Variants in NR1I2 observed in about 807,000 individuals in gnomAD.
NR1I2 encodes the protein nuclear receptor subfamily 1 group I member 2, also known as orphan nuclear receptor PAR1.
In NR1I2, 42 loss-of-function variants were observed where a neutral mutation model predicts 43.3. That is an observed-to-expected ratio of 0.97 (90% CI 0.76 to 1.26). NR1I2 has a LOEUF of 1.26. Ranked by LOEUF, NR1I2 falls within the 50% of genes most tolerant of loss-of-function variation. The pLI is 0.00. For missense variants in NR1I2, 559 were observed against 566.7 expected (o/e 0.99, Z 0.14); for synonymous variants, 229 against 215.0 (o/e 1.06, Z -0.57).
chr3:119,810,419 T>G, intron 3 of NR1I2: 1 of 629,248 alleles, frequency 1.6e-6, no homozygotes, highest in East Asian at 2.8e-5. Flanking sequence ...CCCTGGGATG[T>G]GTGCTGGGCA....
chr3:119,808,343 G>A (rs149460291), intron 2 of NR1I2, among the ~76,000 whole-genome samples: 18 of 152,346 alleles, frequency 1.2e-4, no homozygotes, highest in South Asian at 6.2e-4. Context: ...CAGCAGAAGC[G>A]CACAAAGGCC....
intron 1 of NR1I2, among the ~76,000 whole-genome samples, chr3:119,799,471 C>T (rs1319426646): frequency 6.6e-6 from 1 of 152,088 alleles, no homozygotes; most frequent in Non-Finnish European, 1.5e-5. Context: ...TATTTTCTGT[C>T]TGTGTCTTAT....
intron 1 of NR1I2, among the ~76,000 whole-genome samples, chr3:119,794,041 A>G (rs900482506): frequency 5.3e-5 from 8 of 151,984 alleles, no homozygotes; most frequent in African/African-American, 1.9e-4. Flanking sequence ...ACAGGGTCTC[A>G]CTCTGTCACC....
rs3814057 is a variant in NR1I2 at position 119,818,407 on chromosome 3, A to T, written c.*1195A>T. On this transcript the variant is annotated 3_prime_UTR_variant, in exon 9 of 9. Transcript: ENST00000393716. ...CTTTATATAAGGCATTCCACACCTA[A>T]GAACTAGTTTTGGGAAATGTAGCCC... 5 of 984,740 alleles carry T rather than the reference A, an allele frequency of 5.1e-6. No homozygotes were observed. Among genetic ancestry groups the T allele is most frequent in the South Asian group, 9.4e-5 (2 of 21,282 alleles). 61.0% of individuals were successfully genotyped at this position (984,740 alleles called of 1,614,324 possible).
At chr3:119,792,332 A>G (rs2054931918) in intron 1 of NR1I2, 2 of 1,426,208 alleles carry the variant, frequency 1.4e-6, no homozygotes, top group South Asian at 1.2e-5. Flanking sequence ...TGTCTTTGAC[A>G]CATCTGACCT....
At chr3:119,794,774 A>G (rs113902252) in intron 1 of NR1I2, among the ~76,000 whole-genome samples, 2,071 of 152,208 alleles carry the variant, frequency 0.014, 40 homozygotes, top group African/African-American at 0.046. Context: ...ACCTGTCTCT[A>G]CTGAAAATAC....
At chr3:119,812,652 C>T (rs762580160) in intron 4 of NR1I2, 34 bp from the exon 5 acceptor site, 1 of 1,612,418 alleles carries the variant, frequency 6.2e-7, no homozygotes, top group Non-Finnish European at 8.5e-7. Context: ...CACATGCTGT[C>T]TCTCCTCTGT....
At chr3:119,789,421 G>A (rs1227772338) in intron 1 of NR1I2, among the ~76,000 whole-genome samples, 4 of 152,130 alleles carry the variant, frequency 2.6e-5, no homozygotes, top group Non-Finnish European at 5.9e-5. Context: ...CTTACATGGT[G>A]TCAGGCAAGA....
chr3:119,787,991 C>G (rs923893977), intron 1 of NR1I2, among the ~76,000 whole-genome samples: 2 of 152,122 alleles, frequency 1.3e-5, no homozygotes, highest in African/African-American at 2.4e-5. Context: ...TCTCAGTGAC[C>G]TGGTTCCAAA....
At chr3:119,788,137 A>C (rs2461832) in intron 1 of NR1I2, among the ~76,000 whole-genome samples, 84,952 of 151,886 alleles carry the variant, frequency 0.56, 24,428 homozygotes, top group East Asian at 0.76. Context: ...TTTAAGAGAC[A>C]GGGTCTTGCT....
intron 1 of NR1I2, among the ~76,000 whole-genome samples, chr3:119,788,469 A>G (rs970707204): frequency 7.9e-5 from 12 of 151,126 alleles, no homozygotes; most frequent in African/African-American, 2.9e-4. Context: ...ACAAGGTGTC[A>G]TTCTCTTGCC....
intron 1 of NR1I2, among the ~76,000 whole-genome samples, chr3:119,783,276 G>C (rs1015339220): frequency 6.6e-6 from 1 of 152,146 alleles, no homozygotes; most frequent in Non-Finnish European, 1.5e-5. Flanking sequence ...GGCTAACTCT[G>C]GCCCACCAGC....
At chr3:119,808,645 A>ATGT (rs1417540348) in intron 2 of NR1I2, among the ~76,000 whole-genome samples, 1 of 152,202 alleles carries the variant, frequency 6.6e-6, no homozygotes, top group African/African-American at 2.4e-5. Context: ...AAAAGGCAAC[A>ATGT]TGTTGTAGTG....
chr3:119,804,682 G>A (rs1207730216), intron 1 of NR1I2, among the ~76,000 whole-genome samples: 1 of 151,994 alleles, frequency 6.6e-6, no homozygotes, highest in East Asian at 1.9e-4. Context: ...CTAACCTCAG[G>A]TGATCTGCCT....
At chr3:119,808,904 A>G (rs918188135) in intron 2 of NR1I2, among the ~76,000 whole-genome samples, 13 of 152,226 alleles carry the variant, frequency 8.5e-5, no homozygotes, top group Non-Finnish European at 1.6e-4. Context: ...ACCCATTCTC[A>G]GTGGACTTTG....
At chr3:119,786,674 G>A (rs1339389016) in intron 1 of NR1I2, among the ~76,000 whole-genome samples, 3 of 152,170 alleles carry the variant, frequency 2.0e-5, no homozygotes, top group Non-Finnish European at 2.9e-5. Context: ...ACCCTGATCT[G>A]TGTCTAGTAA....
chr3:119,789,474 C>T (rs1329374247), intron 1 of NR1I2, among the ~76,000 whole-genome samples: 1 of 152,118 alleles, frequency 6.6e-6, no homozygotes, highest in Non-Finnish European at 1.5e-5. Context: ...CCTTATAAAA[C>T]CATCAGATCT....
At chr3:119,794,078 T>C (rs2054960625) in intron 1 of NR1I2, among the ~76,000 whole-genome samples, 1 of 152,106 alleles carries the variant, frequency 6.6e-6, no homozygotes, top group African/African-American at 2.4e-5. Context: ...GGCACAATCC[T>C]AGCTCACCAC....
intron 1 of NR1I2, among the ~76,000 whole-genome samples, chr3:119,793,427 C>T (rs1214158131): frequency 1.3e-5 from 2 of 152,172 alleles, no homozygotes; most frequent in African/African-American, 2.4e-5. Context: ...ACAGGACCAC[C>T]GTGGGCCAAG....
Sources: allele counts gnomAD v4.1 joint callset (sites outside exome capture counted in the v4.1 genomes callset), GRCh38; gene constraint gnomAD v4.1.1; transcripts MANE v1.5; gene names NCBI Gene and HGNC (gene_info 2026-07-23, HGNC 2026-07-21).